Variants in SPOPL observed in about 807,000 individuals in gnomAD.
The protein encoded by SPOPL is speckle-type POZ protein-like.
A neutral mutation model predicts 53.8 loss-of-function variants in SPOPL; 23 were observed. The ratio of observed to expected loss-of-function variants is 0.43; its 90% CI spans 0.31 to 0.61. The LOEUF is 0.61. Among genes scored for constraint, SPOPL ranks in the 20% least tolerant of loss-of-function variants. The pLI, the probability that SPOPL is intolerant of heterozygous loss-of-function variation, is 0.12. For missense variants in SPOPL, 442 were observed against 466.9 expected (o/e 0.95, Z 0.49); for synonymous variants, 164 against 149.7 (o/e 1.10, Z -0.70).
intron 1 of SPOPL, among the ~76,000 whole-genome samples, chr2:138,536,030 A>G (rs892342871): frequency 1.3e-5 from 2 of 152,030 alleles, no homozygotes; most frequent in African/African-American, 4.8e-5. Context: ...TTTGTGTGAC[A>G]TTGTCATCAT....
chr2:138,547,366 T>C (rs755774360), intron 1 of SPOPL, among the ~76,000 whole-genome samples: 1 of 152,242 alleles, frequency 6.6e-6, no homozygotes, highest in Non-Finnish European at 1.5e-5. Flanking sequence ...ATAATAACTC[T>C]TCTAGAGATA....
At chr2:138,523,168 G>T (rs1200083043) in intron 1 of SPOPL, among the ~76,000 whole-genome samples, 3 of 152,190 alleles carry the variant, frequency 2.0e-5, no homozygotes. Flanking sequence ...GTTCCACGTG[G>T]CTGGGGAAGC....
Position 138,529,589 on chromosome 2 carries a change from T to G in SPOPL, c.-60-20568T>G, listed in dbSNP as rs541075691. ...CTTTTTCATTAGTCAACTTCTCTGT[T>G]TTTCCACTAGTACCACTCTGTCATA... On this transcript the variant is annotated intron_variant, in intron 1 of 10. Transcript: ENST00000280098. Among the ~76,000 whole-genome samples the G allele has an allele frequency of 2.6e-5, 4 of 152,038 alleles. No homozygotes were observed. The South Asian group carries it at 8.3e-4, about 32-fold the overall frequency.
At chr2:138,565,922 G>T (rs1685650705) in intron 10 of SPOPL, among the ~76,000 whole-genome samples, 1 of 152,016 alleles carries the variant, frequency 6.6e-6, no homozygotes, top group Non-Finnish European at 1.5e-5. Flanking sequence ...TTTTAGCAGA[G>T]ACGGGTTTTC....
intron 4 of SPOPL, among the ~76,000 whole-genome samples, chr2:138,552,165 T>G (rs1479349353): frequency 6.6e-6 from 1 of 152,060 alleles, no homozygotes; most frequent in Non-Finnish European, 1.5e-5. Flanking sequence ...ATAAGATGTA[T>G]GTTTCTTACC....
intron 1 of SPOPL, 31 bp from the exon 2 acceptor site, chr2:138,550,126 A>T: frequency 2.6e-6 from 3 of 1,147,140 alleles, no homozygotes; most frequent in Non-Finnish European, 3.9e-6. Flanking sequence ...TAAACTTTTT[A>T]ATCAGTACAT....
chr2:138,503,677 T>C (rs1684153560), intron 1 of SPOPL, among the ~76,000 whole-genome samples: 1 of 152,230 alleles, frequency 6.6e-6, no homozygotes, highest in Non-Finnish European at 1.5e-5. Context: ...TTCAGATGTC[T>C]ATTTGGAACT....
At chr2:138,504,068 G>C (rs1167461460) in intron 1 of SPOPL, among the ~76,000 whole-genome samples, 1 of 152,172 alleles carries the variant, frequency 6.6e-6, no homozygotes, top group Non-Finnish European at 1.5e-5. Flanking sequence ...CACATTAAAA[G>C]ATCTGAATAG....
intron 5 of SPOPL, among the ~76,000 whole-genome samples, chr2:138,555,570 C>T (rs1018631124): frequency 2.6e-5 from 4 of 151,924 alleles, no homozygotes; most frequent in East Asian, 1.9e-4. Context: ...ACTTTGGAGC[C>T]GGTGTGGTGG....
chr2:138,568,801 A>AGGG, intron 10 of SPOPL, 135 bp from the exon 11 acceptor site: 1 of 916,004 alleles, frequency 1.1e-6, no homozygotes, highest in Non-Finnish European at 1.7e-6. Flanking sequence ...TATTTTAATA[A>AGGG]AAGCAAATGA....
chr2:138,538,815 G>GTA, intron 1 of SPOPL, among the ~76,000 whole-genome samples: 1 of 151,320 alleles, frequency 6.6e-6, no homozygotes, highest in South Asian at 2.1e-4. Context: ...AGTTACATAT[G>GTA]TATATATGTG....
intron 5 of SPOPL, among the ~76,000 whole-genome samples, chr2:138,555,915 C>T (rs2104897175): frequency 6.6e-6 from 1 of 152,068 alleles, no homozygotes; most frequent in East Asian, 1.9e-4. Flanking sequence ...ATAACTTTGA[C>T]CTCAGGAAAG....
intron 1 of SPOPL, among the ~76,000 whole-genome samples, chr2:138,517,178 T>G (rs528678982): frequency 3.5e-4 from 53 of 152,338 alleles, no homozygotes; most frequent in Admixed American, 1.0e-3. Flanking sequence ...ACATAATTTT[T>G]TACATAAATA....
chr2:138,516,967 C>T (rs1033910586), intron 1 of SPOPL, among the ~76,000 whole-genome samples: 2 of 152,044 alleles, frequency 1.3e-5, no homozygotes, highest in East Asian at 1.9e-4. Context: ...ATGTTTGTTC[C>T]GTAAATGCTA....
chr2:138,513,008 G>A (rs998173695), intron 1 of SPOPL, among the ~76,000 whole-genome samples: 3 of 152,218 alleles, frequency 2.0e-5, no homozygotes, highest in Admixed American at 2.0e-4. Context: ...TAAATAGATG[G>A]CAGAGAAGAG....
Position 138,570,775 on chromosome 2 carries a change from C to A in SPOPL, c.*1695C>A, listed in dbSNP as rs1398573808. 6.6e-6 allele frequency: 1 copy of A among 152,104 alleles called. No homozygotes were observed. The highest frequency in any genetic ancestry group is 1.9e-4 in the East Asian group (1 of 5,194). The allele number at this position is 152,104 out of a possible 1,614,324, so 9.4% of individuals were successfully genotyped here. On this transcript the variant is annotated 3_prime_UTR_variant, in exon 11 of 11. Coordinates refer to ENST00000280098, the MANE Select transcript of SPOPL (RefSeq NM_001001664.3). ...TTGCTATCTCTTTGTTAGGTGTTAA[C>A]TGAAGCAATTCGAATATGTCCAGAT...
chr2:138,533,493 C>T (rs577336506), intron 1 of SPOPL, among the ~76,000 whole-genome samples: 2 of 152,116 alleles, frequency 1.3e-5, no homozygotes, highest in East Asian at 1.9e-4. Context: ...CCCCAGGTTT[C>T]GTTAGAGTGC....
chr2:138,529,556 G>A (rs1684762069), intron 1 of SPOPL, among the ~76,000 whole-genome samples: 1 of 150,248 alleles, frequency 6.7e-6, no homozygotes, highest in Non-Finnish European at 1.5e-5. Flanking sequence ...GCGCGCTTCT[G>A]CATTCTCCTT....
At position 138,561,868 on chromosome 2, in the gene SPOPL, C is replaced by T. The variant is rs77194598; in HGVS notation, c.837+941C>T. On this transcript the variant is annotated intron_variant, in intron 8 of 10. Transcript: ENST00000280098. ...TAGGTAAGTTTTCAGCCCTTGCCCC[C>T]CTCCCTCTCTACCCCCTCAAGGAGT... 3.9e-3 allele frequency among the ~76,000 whole-genome samples: 595 copies of T among 151,988 alleles called. 2 individuals are homozygous for T. The highest frequency in any genetic ancestry group is 0.013 in the African/African-American group (559 of 41,432).
Sources: gnomAD v4.1 joint callset for allele counts (sites outside exome capture counted in the v4.1 genomes callset) on GRCh38, gnomAD v4.1.1 for gene constraint, MANE v1.5 for transcripts, NCBI Gene and HGNC (gene_info 2026-07-23, HGNC 2026-07-21) for gene names.